The following JMY variants were observed in gnomAD, a reference collection of about 807,000 sequenced individuals.
JMY encodes the protein junction-mediating and -regulatory protein.
A neutral mutation model predicts 103.3 loss-of-function variants in JMY; 46 were observed. The ratio of observed to expected loss-of-function variants is 0.45; its 90% CI spans 0.35 to 0.57. The LOEUF is 0.57. Among genes scored for constraint, JMY ranks in the 20% least tolerant of loss-of-function variants. The pLI is 0.00. For missense variants in JMY, 1,238 were observed against 1,255.2 expected, an observed-to-expected ratio of 0.99 and a Z score of 0.21; for synonymous variants, 526 against 489.3, an observed-to-expected ratio of 1.07 and a Z score of -0.99.
At chr5:79,313,257 GTC>G (rs1205135519) in intron 8 of JMY, among the ~76,000 whole-genome samples, 1 of 152,064 alleles carries the variant, frequency 6.6e-6, no homozygotes, top group Non-Finnish European at 1.5e-5. Context: ...GCGAAACCCT[GTC>G]TCTATACAAA....
intron 2 of JMY, among the ~76,000 whole-genome samples, chr5:79,278,910 T>G (rs1319917748): frequency 6.6e-6 from 1 of 151,876 alleles, no homozygotes; most frequent in East Asian, 1.9e-4. Flanking sequence ...ACTACAGGTG[T>G]GTGAACCACC....
At chr5:79,289,106 G>T (rs1391009858) in intron 2 of JMY, among the ~76,000 whole-genome samples, 1 of 151,718 alleles carries the variant, frequency 6.6e-6, no homozygotes, top group Non-Finnish European at 1.5e-5. Flanking sequence ...GTGGTGGCGG[G>T]CATCTGTAAT....
In JMY at chr5:79,300,765, C is replaced by A. The variant is rs757030849; in HGVS notation, c.1783C>A (p.Gln595Lys). The change falls in exon 6 of 11, where the codon CAG becomes AAG. Residue 595 changes from glutamine to lysine, a missense_variant. Transcript: ENST00000396137. ...AGAGATGGCAGCATCTGCGTACTTA[C>A]AGAGAGAAGAGCTGCAGAAACTTCA... ...KEEMAASAYLQREELQKLQQK... is the reference protein window; with the variant it reads ...KEEMAASAYLKREELQKLQQK... 7 of 1,612,428 alleles carry A rather than the reference C, an allele frequency of 4.3e-6. No individual in the cohort carries two copies. Among genetic ancestry groups the A allele is most frequent in the Non-Finnish European group, 5.9e-6 (7 of 1,179,384 alleles).
At chr5:79,306,897 A>C (rs1366356037) in intron 7 of JMY, among the ~76,000 whole-genome samples, 2 of 152,160 alleles carry the variant, frequency 1.3e-5, no homozygotes, top group Non-Finnish European at 2.9e-5. Context: ...CTGCTCCAAA[A>C]ATCCCTTTGT....
Position 79,325,539 on chromosome 5 carries a change from A to AT in JMY, c.*3938dup, listed in dbSNP as rs1251385874. ...TTCTATTTCCCACTTACTGCTTAGC[A>AT]TAGAAAAAGAGCTATGGTTAGAGGA... On this transcript the variant is annotated 3_prime_UTR_variant, in exon 11 of 11. Coordinates refer to ENST00000396137, the MANE Select transcript of JMY (RefSeq NM_152405.5). The AT allele has an allele frequency of 2.0e-5, 3 of 152,188 alleles. No individual in the cohort carries two copies. The highest frequency in any genetic ancestry group is 7.2e-5 in the African/African-American group (3 of 41,448). 9.4% of individuals were successfully genotyped at this position (152,188 alleles called of 1,614,324 possible). A position where few individuals can be genotyped will look rare whatever the true frequency, so the allele number is the denominator to read the frequency against.
At chr5:79,307,040 A>G (rs10074882) in intron 7 of JMY, among the ~76,000 whole-genome samples, 104,576 of 152,084 alleles carry the variant, frequency 0.69, 36,566 homozygotes, top group African/African-American at 0.83. Context: ...CCTCTTTAAC[A>G]TAGTAACGTG....
intron 4 of JMY, among the ~76,000 whole-genome samples, chr5:79,292,380 G>A (rs368217329): frequency 1.3e-5 from 2 of 152,042 alleles, no homozygotes; most frequent in East Asian, 1.9e-4. Context: ...GCTGGAGTGC[G>A]ATCACAACTC....
chr5:79,284,555 G>A (rs777814225), intron 2 of JMY: 80 of 1,534,742 alleles, frequency 5.2e-5, no homozygotes, highest in Non-Finnish European at 6.6e-5. Flanking sequence ...GTCAACGTGA[G>A]CTTCAATCAT....
intron 1 of JMY, among the ~76,000 whole-genome samples, chr5:79,264,318 C>G (rs1309877734): frequency 6.6e-6 from 1 of 152,054 alleles, no homozygotes; most frequent in Non-Finnish European, 1.5e-5. Flanking sequence ...AACTCCTGGG[C>G]TTAAGCAATC....
intron 1 of JMY, among the ~76,000 whole-genome samples, chr5:79,261,549 G>A (rs1745423115): frequency 6.6e-6 from 1 of 151,944 alleles, no homozygotes; most frequent in Non-Finnish European, 1.5e-5. Context: ...AAAGCGAGAG[G>A]CTGTCTCTAA....
chr5:79,296,405 A>C (rs1221951149), intron 4 of JMY, among the ~76,000 whole-genome samples: 1 of 152,190 alleles, frequency 6.6e-6, no homozygotes, highest in Non-Finnish European at 1.5e-5. Context: ...TCTCATGTTC[A>C]TTCTTTCTAC....
chr5:79,294,404 CTAAAA>C (rs1334230601), intron 4 of JMY, among the ~76,000 whole-genome samples: 5 of 151,754 alleles, frequency 3.3e-5, no homozygotes, highest in Admixed American at 3.3e-4. Context: ...GAGACTCCGT[CTAAAA>C]TAAAATAAAA....
chr5:79,277,873 T>C (rs1289756278), intron 1 of JMY, 37 bp from the exon 2 acceptor site: 2 of 1,579,364 alleles, frequency 1.3e-6, no homozygotes, highest in Admixed American at 1.7e-5. Context: ...GTTATTAGAA[T>C]TGATTTTCTT....
At chr5:79,256,310 T>G (rs1265274894) in intron 1 of JMY, among the ~76,000 whole-genome samples, 1 of 152,144 alleles carries the variant, frequency 6.6e-6, no homozygotes, top group Non-Finnish European at 1.5e-5. Context: ...GGACTCACCT[T>G]TCAACCACCC....
Position 79,318,923 on chromosome 5 carries a change from C to A in JMY, c.*3+2613C>A, listed in dbSNP as rs1747350126. Reference sequence around the variant, plus strand: ...CAGTTCTTACTACCATGTGTTGTTTCCTTCTGCTGTAGCTTCTCAGGAAGC... The same window carrying A: ...CAGTTCTTACTACCATGTGTTGTTTACTTCTGCTGTAGCTTCTCAGGAAGC... On this transcript the variant is annotated intron_variant, in intron 10 of 10. Coordinates refer to ENST00000396137, the MANE Select transcript of JMY (RefSeq NM_152405.5). Among the ~76,000 whole-genome samples, 6 of 152,200 alleles carry A rather than the reference C, an allele frequency of 3.9e-5. No individual in the cohort carries two copies. In the South Asian group the frequency reaches 1.2e-3, roughly 32 times the overall value.
chr5:79,273,431 T>C (rs191311115), intron 1 of JMY, among the ~76,000 whole-genome samples: 1 of 152,352 alleles, frequency 6.6e-6, no homozygotes, highest in Non-Finnish European at 1.5e-5. Context: ...CTCTAGCTGT[T>C]TTCAGGAATT....
rs767788232 is a variant in JMY at position 79,258,310 on chromosome 5, TGTTG to T, written c.1033-19599_1033-19596del. 2.1e-3 allele frequency among the ~76,000 whole-genome samples: 285 copies of T among 133,096 alleles called. 7 individuals are homozygous for T. Among genetic ancestry groups the T allele is most frequent in the Middle Eastern group, 7.9e-3 (2 of 252 alleles). 87.3% of individuals were successfully genotyped at this position (133,096 alleles called of 152,430 possible). On this transcript the variant is annotated intron_variant, in intron 1 of 10. Transcript: ENST00000396137. ...CAGATATTAGGGCTTTTTTTGTTTT[TGTTG>T]TTTTTTTTTTTTTTTTGACAGGGTC...
chr5:79,254,152 G>A (rs1043676062), intron 1 of JMY, among the ~76,000 whole-genome samples: 27 of 148,940 alleles, frequency 1.8e-4, no homozygotes, highest in African/African-American at 5.7e-4. Flanking sequence ...ACGGGGTTTC[G>A]CGATGTTGGG....
chr5:79,274,132 TC>T (rs1460335921), intron 1 of JMY, among the ~76,000 whole-genome samples: 3 of 106,078 alleles, frequency 2.8e-5, no homozygotes, highest in Non-Finnish European at 7.2e-5. Context: ...CCCAGCACTT[TC>T]TTTTTTTTCT....
Sources: allele counts gnomAD v4.1 joint callset (sites outside exome capture counted in the v4.1 genomes callset), GRCh38; gene constraint gnomAD v4.1.1; transcripts MANE v1.5; gene names NCBI Gene and HGNC (gene_info 2026-07-23, HGNC 2026-07-21).